The following CNTNAP5 variants were observed in gnomAD, a reference collection of about 807,000 sequenced individuals.
The protein encoded by CNTNAP5 is contactin-associated protein-like 5.
In CNTNAP5, 72 loss-of-function variants were observed where a neutral mutation model predicts 150.2. The ratio of observed to expected loss-of-function variants is 0.48; its 90% CI spans 0.40 to 0.58. The LOEUF (loss-of-function observed/expected upper bound fraction) is 0.58, where lower values mean the gene tolerates loss of function less well. Among genes scored for constraint, CNTNAP5 ranks in the 20% least tolerant of loss-of-function variants. The pLI is 0.00. For synonymous variants in CNTNAP5, 672 were observed against 619.8 expected (o/e 1.08, Z -1.25); for missense variants, 1,636 against 1,626.2 (o/e 1.01, Z -0.10).
chr2:124,495,639 C>A (rs759868769), intron 7 of CNTNAP5, among the ~76,000 whole-genome samples: 12 of 152,202 alleles, frequency 7.9e-5, no homozygotes, highest in Non-Finnish European at 1.3e-4. Flanking sequence ...TCAAATGAAA[C>A]CCTAATGTGC....
chr2:124,608,622 T>C (rs574892689), intron 11 of CNTNAP5, among the ~76,000 whole-genome samples: 18 of 152,172 alleles, frequency 1.2e-4, no homozygotes, highest in African/African-American at 2.4e-4. Context: ...CTACATGTTA[T>C]GTACTATACT....
chr2:124,093,779 C>T (rs1456826721), intron 1 of CNTNAP5, among the ~76,000 whole-genome samples: 2 of 152,166 alleles, frequency 1.3e-5, no homozygotes, highest in Non-Finnish European at 2.9e-5. Context: ...AAAAGCATTG[C>T]ATTTGCATGT....
rs181819476 is a variant in CNTNAP5 at position 124,853,521 on chromosome 2, C to T, written c.3218-11785C>T. 2.2e-3 allele frequency among the ~76,000 whole-genome samples: 333 copies of T among 152,236 alleles called. 1 individual carries two copies. Among genetic ancestry groups the T allele is most frequent in the Non-Finnish European group, 4.0e-3 (269 of 68,002 alleles). On this transcript the variant is annotated intron_variant, in intron 19 of 23. Transcript: ENST00000682447. ...TCCTACAGTTCTACAGCTTCAGGTA[C>T]GGTGAGATCCAGCTACATCACTCTG...
intron 1 of CNTNAP5, among the ~76,000 whole-genome samples, chr2:124,217,374 A>C (rs1251545383): frequency 1.3e-5 from 2 of 152,156 alleles, no homozygotes; most frequent in Non-Finnish European, 2.9e-5. Context: ...ACACTGTTAG[A>C]AGTCTGAGAT....
At chr2:124,566,072 G>A (rs958535711) in intron 11 of CNTNAP5, among the ~76,000 whole-genome samples, 2 of 151,638 alleles carry the variant, frequency 1.3e-5, no homozygotes, top group Non-Finnish European at 2.9e-5. Flanking sequence ...TAGGTTTTAA[G>A]TCTGGTTCCA....
At chr2:124,434,400 G>A (rs553112295) in intron 4 of CNTNAP5, 84 bp from the exon 5 acceptor site, 297 of 1,067,996 alleles carry the variant, frequency 2.8e-4, no homozygotes, top group Middle Eastern at 1.2e-3. Context: ...TCTGTGAACT[G>A]GACATGAAAT....
chr2:124,346,528 T>C (rs1246619804), intron 3 of CNTNAP5, among the ~76,000 whole-genome samples: 1 of 152,176 alleles, frequency 6.6e-6, no homozygotes, highest in Non-Finnish European at 1.5e-5. Flanking sequence ...TGCTATCTAA[T>C]TCATAACGTG....
intron 3 of CNTNAP5, among the ~76,000 whole-genome samples, chr2:124,263,012 G>A (rs1201065847): frequency 1.3e-5 from 2 of 152,084 alleles, no homozygotes; most frequent in Admixed American, 6.6e-5. Flanking sequence ...GTATTCCATG[G>A]TGTATATGTG....
intron 21 of CNTNAP5, among the ~76,000 whole-genome samples, chr2:124,902,174 A>G (rs529751841): frequency 6.6e-6 from 1 of 152,296 alleles, no homozygotes; most frequent in East Asian, 1.9e-4. Context: ...CTTACCACCA[A>G]TCTTGAAGAA....
At chr2:124,213,837 A>G (rs1402858337) in intron 1 of CNTNAP5, among the ~76,000 whole-genome samples, 2 of 152,218 alleles carry the variant, frequency 1.3e-5, no homozygotes, top group African/African-American at 4.8e-5. Context: ...AGAAGAAATC[A>G]ATTTAGGGAA....
chr2:124,069,434 G>C (rs1052572346), intron 1 of CNTNAP5, among the ~76,000 whole-genome samples: 1 of 152,152 alleles, frequency 6.6e-6, no homozygotes, highest in African/African-American at 2.4e-5. Context: ...TGAATGGAAA[G>C]GCACAAACCT....
At chr2:124,542,310 A>G (rs1268773248) in intron 10 of CNTNAP5, among the ~76,000 whole-genome samples, 3 of 149,544 alleles carry the variant, frequency 2.0e-5, no homozygotes, top group Admixed American at 6.8e-5. Context: ...TCCAGGACAT[A>G]TATACATAGT....
intron 13 of CNTNAP5, among the ~76,000 whole-genome samples, chr2:124,723,295 C>T (rs1680086641): frequency 6.6e-6 from 1 of 152,152 alleles, no homozygotes; most frequent in African/African-American, 2.4e-5. Context: ...GAATACAATT[C>T]AGCCTCTTTT....
chr2:124,108,108 T>A (rs1003622160), intron 1 of CNTNAP5, among the ~76,000 whole-genome samples: 11 of 152,216 alleles, frequency 7.2e-5, no homozygotes, highest in Admixed American at 3.3e-4. Flanking sequence ...GATGGCTGTC[T>A]GTCCTGCACC....
intron 19 of CNTNAP5, among the ~76,000 whole-genome samples, chr2:124,858,659 A>C (rs2104712030): frequency 6.6e-6 from 1 of 152,356 alleles, no homozygotes; most frequent in East Asian, 1.9e-4. Flanking sequence ...ATAAGTTAGT[A>C]TTTGCAAGCC....
intron 3 of CNTNAP5, among the ~76,000 whole-genome samples, chr2:124,371,107 C>T (rs1034049528): frequency 6.6e-6 from 1 of 152,110 alleles, no homozygotes; most frequent in African/African-American, 2.4e-5. Flanking sequence ...GTACCTCTCA[C>T]ATAAGTGTCT....
chr2:124,664,366 G>A (rs1678654802), intron 13 of CNTNAP5, among the ~76,000 whole-genome samples: 3 of 151,632 alleles, frequency 2.0e-5, no homozygotes, highest in Admixed American at 2.0e-4. Flanking sequence ...CTTAAGTGTG[G>A]TGCAATAACA....
intron 1 of CNTNAP5, among the ~76,000 whole-genome samples, chr2:124,129,001 G>A (rs75707374): frequency 0.083 from 12,615 of 151,710 alleles, 707 homozygotes; most frequent in Non-Finnish European, 0.13. Context: ...TATGGCACAT[G>A]TATACATATG....
At chr2:124,246,377 G>A (rs896418674) in intron 3 of CNTNAP5, among the ~76,000 whole-genome samples, 1 of 152,078 alleles carries the variant, frequency 6.6e-6, no homozygotes, top group African/African-American at 2.4e-5. Flanking sequence ...CATGATTTAT[G>A]CACAAGCCAG....
Sources: allele counts gnomAD v4.1 joint callset (sites outside exome capture counted in the v4.1 genomes callset), GRCh38; gene constraint gnomAD v4.1.1; transcripts MANE v1.5; gene names NCBI Gene and HGNC (gene_info 2026-07-23, HGNC 2026-07-21).